Variants in SAMSN1 observed in about 807,000 individuals in gnomAD.
The protein encoded by SAMSN1 is SAM domain-containing protein SAMSN-1.
SAMSN1 carries 31 observed loss-of-function variants against 42.0 expected under a neutral mutation model. The observed-to-expected ratio is 0.74, with a 90% CI of 0.55 to 1.00. The LOEUF (loss-of-function observed/expected upper bound fraction) is 1.00. SAMSN1 is among the 50% of genes least tolerant of loss of function. SAMSN1 has a pLI of 0.00. For synonymous variants in SAMSN1, 178 were observed against 151.9 expected (o/e 1.17, Z -1.26); for missense variants, 464 against 439.4 (o/e 1.06, Z -0.50).
At chr21:14,559,768 A>G (rs138239198) in intron 2 of SAMSN1, among the ~76,000 whole-genome samples, 1 of 152,142 alleles carries the variant, frequency 6.6e-6, no homozygotes, top group African/African-American at 2.4e-5. Flanking sequence ...TGCTTCTCAA[A>G]GTGCTGGGAT....
chr21:14,513,673 G>T (rs1290680552), intron 3 of SAMSN1, among the ~76,000 whole-genome samples: 1 of 152,192 alleles, frequency 6.6e-6, no homozygotes, highest in Non-Finnish European at 1.5e-5. Context: ...TGATTTAAAT[G>T]GAGTATCCTC....
chr21:14,485,605 A>C lies in SAMSN1; in HGVS notation c.*307T>G, dbSNP rs1180255347. On this transcript the variant is annotated 3_prime_UTR_variant, in exon 8 of 8. Coordinates refer to ENST00000400566, the MANE Select transcript of SAMSN1 (RefSeq NM_022136.5). ...AAAGGTTACTTTGTTTTTTGCAGATACTGTACTTGTAAAATAAAGCCAAAT... is the reference window on the plus strand; with the variant it reads ...AAAGGTTACTTTGTTTTTTGCAGATCCTGTACTTGTAAAATAAAGCCAAAT... 4.9e-6 allele frequency: 1 copy of C among 204,004 alleles called. No homozygotes were observed. Among genetic ancestry groups the C allele is most frequent in the Non-Finnish European group, 1.0e-5 (1 of 100,440 alleles). 12.6% of individuals were successfully genotyped at this position (204,004 alleles called of 1,614,324 possible).
chr21:14,510,200 T>C lies in SAMSN1; in HGVS notation c.561+110A>G, dbSNP rs899761933. ...TGTAAGCTAGCCTCCACTTCTACTGTTGGGAAGAACACACTCACACTGTCT... is the reference window on the plus strand; with the variant it reads ...TGTAAGCTAGCCTCCACTTCTACTGCTGGGAAGAACACACTCACACTGTCT... On this transcript the variant is annotated intron_variant, in intron 5 of 7. Coordinates refer to ENST00000400566, the MANE Select transcript of SAMSN1 (RefSeq NM_022136.5). The C allele has an allele frequency of 1.9e-5, 20 of 1,051,682 alleles. No individual in the cohort carries two copies. The Admixed American group carries it at 2.9e-4, about 15-fold the overall frequency. The allele number at this position is 1,051,682 out of a possible 1,614,324, so 65.1% of individuals were successfully genotyped here. A position where few individuals can be genotyped will look rare whatever the true frequency, so the allele number is the denominator to read the frequency against.
chr21:14,637,959 G>A (rs756867150), intron 2 of SAMSN1, among the ~76,000 whole-genome samples: 4 of 152,178 alleles, frequency 2.6e-5, no homozygotes, highest in African/African-American at 4.8e-5. Context: ...TGGTTTGAGT[G>A]TAGTGACACC....
At chr21:14,515,503 A>G (rs1237837601) in intron 3 of SAMSN1, among the ~76,000 whole-genome samples, 6 of 152,218 alleles carry the variant, frequency 3.9e-5, no homozygotes, top group African/African-American at 1.4e-4. Flanking sequence ...TTATCTTGAA[A>G]TAAATGATAC....
At chr21:14,531,162 A>G (rs1001033160) in intron 1 of SAMSN1, among the ~76,000 whole-genome samples, 1 of 152,126 alleles carries the variant, frequency 6.6e-6, no homozygotes, top group East Asian at 1.9e-4. Context: ...AAAAGCAACT[A>G]TTAGTTAAGA....
intron 7 of SAMSN1, chr21:14,592,304 T>A (rs1310118557): frequency 6.6e-6 from 1 of 152,420 alleles, no homozygotes; most frequent in Non-Finnish European, 1.5e-5. Context: ...TTATTAAGTA[T>A]CTATTGGATT....
At chr21:14,634,547 C>A (rs557488173) in intron 2 of SAMSN1, among the ~76,000 whole-genome samples, 2 of 152,138 alleles carry the variant, frequency 1.3e-5, no homozygotes, top group Admixed American at 1.3e-4. Context: ...ATTTATGCAG[C>A]CAACAAACAT....
At chr21:14,569,810 C>A (rs574649786) in intron 2 of SAMSN1, among the ~76,000 whole-genome samples, 1 of 152,086 alleles carries the variant, frequency 6.6e-6, no homozygotes, top group African/African-American at 2.4e-5. Context: ...TTAATCTGCT[C>A]CATAGAGAGA....
At position 14,649,633 on chromosome 21, in the gene SAMSN1, G is replaced by A. The variant is rs141834578; in HGVS notation, c.25-6500C>T. On this transcript the variant is annotated intron_variant, in intron 1 of 15. Coordinates refer to the SAMSN1 transcript ENST00000647101. ...AAAAATACAAAAATTAGCCAGGTGTGATGGCACACACCTGTAATCCCAGCT... is the reference window on the plus strand; with the variant it reads ...AAAAATACAAAAATTAGCCAGGTGTAATGGCACACACCTGTAATCCCAGCT... Among the ~76,000 whole-genome samples the A allele has an allele frequency of 5.3e-5, 8 of 152,060 alleles. No homozygotes were observed. The East Asian group carries it at 9.7e-4, about 18-fold the overall frequency.
At chr21:14,632,100 G>C (rs1983345235) in intron 2 of SAMSN1, among the ~76,000 whole-genome samples, 1 of 152,186 alleles carries the variant, frequency 6.6e-6, no homozygotes, top group South Asian at 2.1e-4. Flanking sequence ...AGCAAGGTGT[G>C]TGCATCTATT....
At chr21:14,617,003 A>G (rs377084360) in intron 2 of SAMSN1, among the ~76,000 whole-genome samples, 1 of 152,204 alleles carries the variant, frequency 6.6e-6, no homozygotes, top group Non-Finnish European at 1.5e-5. Context: ...TTAACTGCAG[A>G]GGACAATTTG....
intron 3 of SAMSN1, 64 bp downstream of exon 3, chr21:14,516,828 T>C: frequency 7.3e-7 from 1 of 1,367,480 alleles, no homozygotes; most frequent in Non-Finnish European, 1.0e-6. Flanking sequence ...ACTTCTATAG[T>C]CTAGCTGAAT....
intron 2 of SAMSN1, among the ~76,000 whole-genome samples, chr21:14,626,499 C>A (rs1456206705): frequency 6.6e-6 from 1 of 152,208 alleles, no homozygotes; most frequent in South Asian, 2.1e-4. Context: ...CAAAAGAAGA[C>A]ATTTATGCAG....
chr21:14,564,422 C>G (rs527380067), intron 2 of SAMSN1, among the ~76,000 whole-genome samples: 4 of 152,156 alleles, frequency 2.6e-5, no homozygotes, highest in Non-Finnish European at 5.9e-5. Flanking sequence ...CTCTTAACAA[C>G]AGTATCAAGT....
At chr21:14,587,500 T>A (rs186822576), upstream of SAMSN1, among the ~76,000 whole-genome samples, 5 of 152,312 alleles carry the variant, frequency 3.3e-5, no homozygotes, top group East Asian at 9.7e-4. Flanking sequence ...ATAACTCCTA[T>A]ATGCTGACAC....
At chr21:14,530,048 G>T (rs1233959669) in intron 1 of SAMSN1, among the ~76,000 whole-genome samples, 1 of 152,168 alleles carries the variant, frequency 6.6e-6, no homozygotes, top group African/African-American at 2.4e-5. Flanking sequence ...CGGGCGCAGT[G>T]GCTCACGCCT....
At chr21:14,490,483 T>C (rs1380658338) in intron 7 of SAMSN1, among the ~76,000 whole-genome samples, 4 of 152,208 alleles carry the variant, frequency 2.6e-5, no homozygotes, top group Admixed American at 1.3e-4. Context: ...TTCAGGTAAC[T>C]ATGGCTATAT....
chr21:14,634,347 G>A (rs1983411464), intron 2 of SAMSN1, among the ~76,000 whole-genome samples: 1 of 151,970 alleles, frequency 6.6e-6, no homozygotes, highest in South Asian at 2.1e-4. Flanking sequence ...CTTCTGCACA[G>A]AAAAAGAAAC....
Sources: allele counts gnomAD v4.1 joint callset (sites outside exome capture counted in the v4.1 genomes callset), GRCh38; gene constraint gnomAD v4.1.1; transcripts MANE v1.5; gene names NCBI Gene and HGNC (gene_info 2026-07-23, HGNC 2026-07-21).